The following PLXNA4 variants were observed in gnomAD, a reference collection of about 807,000 sequenced individuals.
The protein encoded by PLXNA4 is plexin-A4.
A neutral mutation model predicts 191.8 loss-of-function variants in PLXNA4; 44 were observed. That is an observed-to-expected ratio of 0.23 (90% confidence interval 0.18 to 0.29). The LOEUF (loss-of-function observed/expected upper bound fraction) is 0.29, where lower values mean the gene tolerates loss of function less well. Among genes scored for constraint, PLXNA4 ranks in the 10% least tolerant of loss-of-function variants. The pLI, the probability that PLXNA4 is intolerant of heterozygous loss-of-function variation, is 1.00. For synonymous variants in PLXNA4, 1,082 were observed against 1,009.5 expected (o/e 1.07, Z -1.36); for missense variants, 1,800 against 2,488.8 (o/e 0.72, Z 5.89).
At chr7:132,238,317 T>G (rs1798769773) in intron 5 of PLXNA4, among the ~76,000 whole-genome samples, 1 of 152,202 alleles carries the variant, frequency 6.6e-6, no homozygotes, top group Non-Finnish European at 1.5e-5. Context: ...GTATTTCTCC[T>G]AGGAGCAATG....
intron 3 of PLXNA4, among the ~76,000 whole-genome samples, chr7:132,393,708 G>A (rs1351975364): frequency 6.6e-6 from 1 of 152,176 alleles, no homozygotes; most frequent in Non-Finnish European, 1.5e-5. Flanking sequence ...AAGGGAAGTG[G>A]AGAGGATGGT....
chr7:132,608,329 G>A (rs72607778), intron 2 of PLXNA4, among the ~76,000 whole-genome samples: 11,126 of 152,186 alleles, frequency 0.073, 829 homozygotes, highest in East Asian at 0.36. Flanking sequence ...GCAGTAAAAG[G>A]CAGAATGAAT....
chr7:132,617,895 C>T (rs1803186542), intron 2 of PLXNA4, among the ~76,000 whole-genome samples: 1 of 152,202 alleles, frequency 6.6e-6, no homozygotes, highest in Admixed American at 6.5e-5. Context: ...CTCTGCTGAA[C>T]AGTATTGTTT....
intron 3 of PLXNA4, among the ~76,000 whole-genome samples, chr7:132,458,709 G>T (rs10242221): frequency 6.6e-6 from 1 of 151,914 alleles, no homozygotes; most frequent in South Asian, 2.1e-4. Context: ...TCTATTTATT[G>T]GTTTCAGTAC....
At chr7:132,416,751 T>G (rs922133213) in intron 3 of PLXNA4, among the ~76,000 whole-genome samples, 1 of 152,222 alleles carries the variant, frequency 6.6e-6, no homozygotes, top group Non-Finnish European at 1.5e-5. Context: ...AGCAGCCCAG[T>G]AGGACTGTCT....
intron 16 of PLXNA4, 28 bp from the exon 17 acceptor site, chr7:132,182,218 T>G (rs759411231): frequency 6.2e-7 from 1 of 1,612,636 alleles, no homozygotes; most frequent in East Asian, 2.2e-5. Flanking sequence ...AGGAGATGTG[T>G]AAATGATAAG....
chr7:132,602,491 A>T (rs954988379), intron 2 of PLXNA4, among the ~76,000 whole-genome samples: 23 of 152,182 alleles, frequency 1.5e-4, no homozygotes, highest in Non-Finnish European at 2.6e-4. Flanking sequence ...TGTTCTGCTC[A>T]AAATCAACTT....
At chr7:132,563,189 TCC>T in intron 1 of PLXNA4, among the ~76,000 whole-genome samples, 1 of 31,026 alleles carries the variant, frequency 3.2e-5, no homozygotes, top group Non-Finnish European at 9.8e-5. Flanking sequence ...TTCTCCTTCC[TCC>T]TCCTCCTCTT....
rs1447831032 is a variant in PLXNA4 at position 132,129,345 on chromosome 7, T to C, written c.*1134A>G. The C allele has an allele frequency of 2.6e-5, 4 of 152,264 alleles. No individual in the cohort carries two copies. The highest frequency in any genetic ancestry group is 6.5e-5 in the Admixed American group (1 of 15,286). The allele number at this position is 152,264 out of a possible 1,614,324, so 9.4% of individuals were successfully genotyped here. On this transcript the variant is annotated 3_prime_UTR_variant, in exon 32 of 32. Coordinates refer to ENST00000321063, the MANE Select transcript of PLXNA4 (RefSeq NM_020911.2). ...CAGCCCAGTGACAAAGTCATCTGCA[T>C]AGCAATGGCACCGGATTCTGCAGAG...
chr7:132,485,915 G>T (rs1225989775), intron 3 of PLXNA4, among the ~76,000 whole-genome samples: 1 of 152,158 alleles, frequency 6.6e-6, no homozygotes, highest in African/African-American at 2.4e-5. Flanking sequence ...GGTTGCAAAT[G>T]ATTGGGACTC....
At chr7:132,292,844 G>T (rs1359396152) in intron 4 of PLXNA4, among the ~76,000 whole-genome samples, 3 of 152,194 alleles carry the variant, frequency 2.0e-5, no homozygotes, top group African/African-American at 7.2e-5. Flanking sequence ...TTTATGTAGG[G>T]TGGCCAGCGG....
chr7:132,172,527 G>C (rs1386932581), intron 21 of PLXNA4, among the ~76,000 whole-genome samples: 1 of 152,056 alleles, frequency 6.6e-6, no homozygotes, highest in African/African-American at 2.4e-5. Flanking sequence ...TCAATGGCTT[G>C]TTTCCATACT....
chr7:132,550,822 G>T (rs1050647911), intron 1 of PLXNA4, among the ~76,000 whole-genome samples: 2 of 149,302 alleles, frequency 1.3e-5, no homozygotes, highest in Non-Finnish European at 3.0e-5. Context: ...ACTTATTGCA[G>T]TGCAGACCTT....
chr7:132,213,175 T>C (rs993915420), intron 9 of PLXNA4, among the ~76,000 whole-genome samples: 6 of 152,018 alleles, frequency 3.9e-5, no homozygotes, highest in African/African-American at 1.5e-4. Flanking sequence ...AGGGTTCCAC[T>C]TGTGGGAGGT....
At chr7:132,554,001 A>G (rs1204258143) in intron 1 of PLXNA4, among the ~76,000 whole-genome samples, 1 of 152,208 alleles carries the variant, frequency 6.6e-6, no homozygotes, top group East Asian at 1.9e-4. Context: ...GCCCTGTCTA[A>G]AGAAAGAAAG....
At chr7:132,335,420 TC>T (rs1802778228) in intron 3 of PLXNA4, among the ~76,000 whole-genome samples, 1 of 152,242 alleles carries the variant, frequency 6.6e-6, no homozygotes, top group African/African-American at 2.4e-5. Flanking sequence ...TGTTCCCAAG[TC>T]CTACCTCCTC....
rs372480747 is a variant in PLXNA4, at chr7:132,547,113, G to A, written c.-87+29309C>T. Reference sequence around the variant, plus strand: ...TTTCCCTGATTCCAGTTCACAGAGAGAATTTAAAGTGAAAAATCCTTTTCA... The same window carrying A: ...TTTCCCTGATTCCAGTTCACAGAGAAAATTTAAAGTGAAAAATCCTTTTCA... On this transcript the variant is annotated intron_variant, in intron 1 of 31. Transcript: ENST00000321063. 5.3e-5 allele frequency among the ~76,000 whole-genome samples: 8 copies of A among 152,298 alleles called. No homozygotes were observed. The South Asian group carries it at 8.3e-4, about 16-fold the overall frequency.
chr7:132,365,360 T>TGTGTGTGTGTGTGTGCGC, intron 3 of PLXNA4, among the ~76,000 whole-genome samples: 16 of 128,826 alleles, frequency 1.2e-4, no homozygotes, highest in South Asian at 4.9e-4. Context: ...TGTGTGTGTG[T>TGTGTGTGTGTGTGTGCGC]GCGTGCGCGC....
intron 9 of PLXNA4, among the ~76,000 whole-genome samples, chr7:132,217,853 G>C (rs994344722): frequency 6.6e-6 from 1 of 151,092 alleles, no homozygotes; most frequent in African/African-American, 2.4e-5. Context: ...TACCTGGAGT[G>C]GGGGTGGTGC....
Sources: allele counts gnomAD v4.1 joint callset (sites outside exome capture counted in the v4.1 genomes callset), GRCh38; gene constraint gnomAD v4.1.1; transcripts MANE v1.5; gene names NCBI Gene and HGNC (gene_info 2026-07-23, HGNC 2026-07-21).